CENPA: variants seen among roughly 807,000 people sequenced by gnomAD.
The protein encoded by CENPA is centromere protein A.
A neutral mutation model predicts 17.2 loss-of-function variants in CENPA; 7 were observed. The ratio of observed to expected loss-of-function variants is 0.41; its 90% CI spans 0.23 to 0.76. CENPA has a LOEUF of 0.76. CENPA is among the 30% of genes least tolerant of loss of function. CENPA has a pLI of 0.34. For synonymous variants in CENPA, 82 were observed against 77.4 expected (o/e 1.06, Z -0.31); for missense variants, 149 against 193.1 (o/e 0.77, Z 1.35).
chr2:26,791,192 C>A (rs1572641658), intron 1 of CENPA, among the ~76,000 whole-genome samples: 1 of 152,150 alleles, frequency 6.6e-6, no homozygotes, highest in African/African-American at 2.4e-5. Flanking sequence ...GGCTCAGATA[C>A]CTTTTAGTGT....
At position 26,792,154 on chromosome 2, in the gene CENPA, C is replaced by T. The variant is rs751521612; in HGVS notation, c.124C>T (p.Arg42Trp). 4 of 1,613,852 alleles carry T rather than the reference C, an allele frequency of 2.5e-6. No individual in the cohort carries two copies. In the Admixed American group the frequency reaches 6.7e-5, roughly 27 times the overall value. ...SLGASSHQHS[R>W]RRQGWLKEIR... ...AGGCGCTTCCTCCCATCAACACAGT[C>T]GGCGGAGACAAGGTTGGCTAAAGGA... is the stretch of plus-strand genomic sequence containing the variant. The change falls in exon 2 of 5, where the codon CGG (arginine) becomes TGG (tryptophan). Residue 42 changes from arginine to tryptophan, a missense_variant. This residue lies in a region of CENPA where 95 missense variants were observed against 87.5 expected (regional missense o/e 1.09). Coordinates refer to ENST00000335756, the MANE Select transcript of CENPA (RefSeq NM_001809.4).
At chr2:26,788,083 G>A (rs1664544863) in intron 1 of CENPA, among the ~76,000 whole-genome samples, 1 of 152,180 alleles carries the variant, frequency 6.6e-6, no homozygotes, top group Non-Finnish European at 1.5e-5. Context: ...TCTACTCCTG[G>A]TTAAATGGAA....
At chr2:26,790,824 GGC>G (rs72270949) in intron 1 of CENPA, among the ~76,000 whole-genome samples, 7,517 of 152,264 alleles carry the variant, frequency 0.049, 647 homozygotes, top group African/African-American at 0.17. Context: ...CTGGCTGCCT[GGC>G]ACAGGCCATC....
At chr2:26,792,732 C>T (rs759039303) in intron 2 of CENPA, 24 bp from the exon 3 acceptor site, 51 of 1,600,138 alleles carry the variant, frequency 3.2e-5, no homozygotes, top group Non-Finnish European at 4.1e-5. Context: ...ACTCCTACTC[C>T]TCCCCTTCCC....
At chr2:26,792,907 G>C (rs1001378982) in intron 3 of CENPA, 74 bp downstream of exon 3, 87 of 1,380,156 alleles carry the variant, frequency 6.3e-5, no homozygotes, top group Non-Finnish European at 7.3e-5. Flanking sequence ...CTCCAGTGCT[G>C]ACTGGAGTGT....
chr2:26,792,984 C>A, intron 3 of CENPA, 151 bp downstream of exon 3: 1 of 1,264,098 alleles, frequency 7.9e-7, no homozygotes, highest in South Asian at 1.3e-5. Context: ...AGGCTGGATT[C>A]TGCGTGGTGA....
Position 26,794,202 on chromosome 2 carries a change from G to A in CENPA, c.*438G>A, listed in dbSNP as rs1664673267. The A allele has an allele frequency of 6.6e-6, 1 of 152,200 alleles. No individual in the cohort carries two copies. The highest frequency in any genetic ancestry group is 2.1e-4 in the South Asian group (1 of 4,836). The allele number at this position is 152,200 out of a possible 1,614,324, so 9.4% of individuals were successfully genotyped here. On this transcript the variant is annotated 3_prime_UTR_variant, in exon 5 of 5. Coordinates refer to ENST00000335756, the MANE Select transcript of CENPA (RefSeq NM_001809.4). ...ATTTGTACTTTTATTTTACACATAA[G>A]GGAAAAAATAAGACCACTTTGAGCA...
At position 26,793,181 on chromosome 2, in the gene CENPA, G is replaced by A. The variant is rs756721845; in HGVS notation, c.325G>A (p.Ala109Thr). The change falls in exon 4 of 5, where the codon GCC becomes ACC. Residue 109 changes from alanine to threonine, a missense_variant. By Grantham distance (58) the Ala-to-Thr change is moderately conservative (BLOSUM62 0). This residue lies in a region of CENPA where 54 missense variants were observed against 105.7 expected (regional missense o/e 0.51). Coordinates refer to ENST00000335756, the MANE Select transcript of CENPA (RefSeq NM_001809.4). ...EAFLVHLFED[A>T]YLLTLHAGRV... ...ATTTCTAGTTCATCTCTTTGAGGACGCCTATCTCCTCACCTTACATGCAGG... is the reference window on the plus strand; with the variant it reads ...ATTTCTAGTTCATCTCTTTGAGGACACCTATCTCCTCACCTTACATGCAGG... 6.2e-7 allele frequency: 1 copy of A among 1,614,084 alleles called. No homozygotes were observed. Among genetic ancestry groups the A allele is most frequent in the Non-Finnish European group, 8.5e-7 (1 of 1,180,010 alleles).
intron 4 of CENPA, 78 bp downstream of exon 4, chr2:26,793,404 A>C: frequency 2.3e-6 from 3 of 1,280,798 alleles, no homozygotes; most frequent in Admixed American, 2.3e-5. Flanking sequence ...GTCCCTTGTC[A>C]CCTCGCCTTC....
intron 2 of CENPA, 158 bp downstream of exon 2, chr2:26,792,398 G>A (rs1664636526): frequency 2.9e-6 from 2 of 695,260 alleles, no homozygotes; most frequent in East Asian, 5.4e-5. Flanking sequence ...CCCTCCAAGA[G>A]CACCTTGTAA....
intron 4 of CENPA, among the ~76,000 whole-genome samples, 196 bp downstream of exon 4, chr2:26,793,522 C>A (rs1056962907): frequency 2.0e-5 from 3 of 152,150 alleles, no homozygotes; most frequent in Admixed American, 2.0e-4. Context: ...TAAATAATAA[C>A]CAGATGACCC....
At chr2:26,787,163 C>T (rs1664521975) in intron 1 of CENPA, among the ~76,000 whole-genome samples, 1 of 152,268 alleles carries the variant, frequency 6.6e-6, no homozygotes, top group South Asian at 2.1e-4. Flanking sequence ...GCCTGGGCCT[C>T]CCAAAGTGCT....
intron 1 of CENPA, among the ~76,000 whole-genome samples, chr2:26,791,402 A>T (rs1975213): frequency 0.28 from 42,214 of 152,200 alleles, 6,447 homozygotes; most frequent in Non-Finnish European, 0.34. Flanking sequence ...TTCCAATTAG[A>T]GAATTTGGCT....
rs1009554402 is a variant in CENPA, at chr2:26,792,839, A to G, written c.288+6A>G. On this transcript the variant is annotated splice_donor_region_variant and intron_variant, in intron 3 of 4. Coordinates refer to ENST00000335756, the MANE Select transcript of CENPA (RefSeq NM_001809.4). The stretch of plus-strand genomic sequence containing the variant: ...CCCTATTGGCCCTACAAGAGGTAAG[A>G]AGGCACCAAGGCACAATTGGGTGAG... 1 of 1,613,308 alleles carries G rather than the reference A, an allele frequency of 6.2e-7. No individual in the cohort carries two copies. Among genetic ancestry groups the G allele is most frequent in the Middle Eastern group, 1.6e-4 (1 of 6,062 alleles).
At chr2:26,793,121 G>A (rs755146520) in intron 3 of CENPA, 24 bp from the exon 4 acceptor site, 8 of 1,613,084 alleles carry the variant, frequency 5.0e-6, no homozygotes, top group East Asian at 2.2e-5. Context: ...ATCTGTGTCC[G>A]TCTTTTTCTC....
At chr2:26,789,441 C>T (rs958812245) in intron 1 of CENPA, among the ~76,000 whole-genome samples, 12 of 151,930 alleles carry the variant, frequency 7.9e-5, no homozygotes, top group African/African-American at 2.7e-4. Context: ...CCTTTCTACC[C>T]CCTCCCTAGG....
intron 1 of CENPA, among the ~76,000 whole-genome samples, chr2:26,787,278 C>T (rs796074388): frequency 3.3e-5 from 5 of 152,238 alleles, no homozygotes; most frequent in African/African-American, 1.2e-4. Context: ...TGCAGTGGCG[C>T]GATCTCCGCT....
chr2:26,792,835 TAAG>T lies in CENPA; in HGVS notation c.288+6_288+8del. On this transcript the variant is annotated splice_donor_5th_base_variant and intron_variant, in intron 3 of 4. Transcript: ENST00000335756. ...CAGGCCCTATTGGCCCTACAAGAGG[TAAG>T]AAGGCACCAAGGCACAATTGGGTGA... The T allele has an allele frequency of 1.8e-5, 29 of 1,613,810 alleles. No homozygotes were observed. Among genetic ancestry groups the T allele is most frequent in the Non-Finnish European group, 2.4e-5 (28 of 1,179,844 alleles).
intron 1 of CENPA, among the ~76,000 whole-genome samples, chr2:26,789,344 T>G (rs1356728767): frequency 2.0e-5 from 3 of 152,104 alleles, no homozygotes; most frequent in Non-Finnish European, 2.9e-5. Context: ...CATGCCACTG[T>G]GCACTCTGGC....
Sources: allele counts gnomAD v4.1 joint callset (sites outside exome capture counted in the v4.1 genomes callset), GRCh38; gene constraint gnomAD v4.1.1; regional missense constraint gnomAD v4.1.1; transcripts MANE v1.5; gene names NCBI Gene and HGNC (gene_info 2026-07-23, HGNC 2026-07-21).